Variants in CCDC12 observed in about 807,000 individuals in gnomAD.
CCDC12 encodes coiled-coil domain-containing protein 12.
In CCDC12, 28 loss-of-function variants were observed where a neutral mutation model predicts 25.7. The ratio of observed to expected loss-of-function variants is 1.09; its 90% CI spans 0.81 to 1.50. CCDC12 has a LOEUF of 1.50. Ranked by LOEUF, CCDC12 falls within the 40% of genes most tolerant of loss-of-function variation. CCDC12 has a pLI of 0.00. For synonymous variants in CCDC12, 75 were observed against 87.7 expected, an observed-to-expected ratio of 0.86 and a Z score of 0.81; for missense variants, 198 against 210.0, an observed-to-expected ratio of 0.94 and a Z score of 0.35.
chr3:46,966,648 C>A (rs762750785), intron 1 of CCDC12, among the ~76,000 whole-genome samples: 1 of 152,176 alleles, frequency 6.6e-6, no homozygotes, highest in African/African-American at 2.4e-5. Flanking sequence ...GACAGCAAGG[C>A]TATAAGGGCA....
intron 1 of CCDC12, among the ~76,000 whole-genome samples, chr3:46,964,810 A>G (rs1004010823): frequency 3.9e-5 from 6 of 152,128 alleles, no homozygotes; most frequent in African/African-American, 1.4e-4. Flanking sequence ...GGACACAAAC[A>G]CTGCTGAAGG....
chr3:46,921,885 C>A lies in CCDC12; in HGVS notation c.*172G>T. 2 of 661,232 alleles carry A rather than the reference C, an allele frequency of 3.0e-6. No individual in the cohort carries two copies. The highest frequency in any genetic ancestry group is 5.2e-6 in the Non-Finnish European group (2 of 388,114). 41.0% of individuals were successfully genotyped at this position (661,232 alleles called of 1,614,324 possible). On this transcript the variant is annotated 3_prime_UTR_variant, in exon 7 of 7. Coordinates refer to ENST00000683445, the MANE Select transcript of CCDC12 (RefSeq NM_001277074.2). The stretch of plus-strand genomic sequence containing the variant: ...CTGCCTCCATTCAGAATGGCAGGGG[C>A]CACCCAGCAGACAAGGAGCTGACCT...
chr3:46,937,608 G>T (rs1296791452), intron 2 of CCDC12, among the ~76,000 whole-genome samples: 1 of 152,224 alleles, frequency 6.6e-6, no homozygotes, highest in African/African-American at 2.4e-5. Flanking sequence ...CAGGGGCTAT[G>T]GCCTAGGGGG....
At chr3:46,959,516 A>T (rs1305067139) in intron 1 of CCDC12, among the ~76,000 whole-genome samples, 1 of 152,170 alleles carries the variant, frequency 6.6e-6, no homozygotes, top group Non-Finnish European at 1.5e-5. Flanking sequence ...TCCCGTGACA[A>T]AGGGGTCACA....
At chr3:46,970,584 C>T (rs2034775015) in intron 1 of CCDC12, among the ~76,000 whole-genome samples, 1 of 152,218 alleles carries the variant, frequency 6.6e-6, no homozygotes, top group Non-Finnish European at 1.5e-5. Context: ...TGCTGGTTGC[C>T]TGGAACCTGC....
intron 2 of CCDC12, among the ~76,000 whole-genome samples, chr3:46,934,798 G>A (rs924106324): frequency 2.0e-5 from 3 of 152,228 alleles, no homozygotes; most frequent in Admixed American, 6.5e-5. Flanking sequence ...GATCTCCACT[G>A]CCCATGACTG....
chr3:46,969,557 A>G (rs1039832929), intron 1 of CCDC12, among the ~76,000 whole-genome samples: 7 of 152,200 alleles, frequency 4.6e-5, no homozygotes, highest in Non-Finnish European at 8.8e-5. Context: ...TTGAGTGTGT[A>G]AATCACAACT....
chr3:46,947,102 G>A (rs1490474689), intron 1 of CCDC12, among the ~76,000 whole-genome samples: 4 of 152,106 alleles, frequency 2.6e-5, no homozygotes, highest in Admixed American at 6.5e-5. Context: ...CTCTGAGTAC[G>A]CCTGCTATAA....
chr3:46,928,418 A>T (rs568614727), intron 2 of CCDC12, among the ~76,000 whole-genome samples: 1 of 152,338 alleles, frequency 6.6e-6, no homozygotes, highest in East Asian at 1.9e-4. Context: ...AAAAGCTGAG[A>T]GACTGAGCAG....
intron 1 of CCDC12, among the ~76,000 whole-genome samples, chr3:46,960,897 T>G (rs1275766850): frequency 6.6e-6 from 1 of 151,856 alleles, no homozygotes; most frequent in Admixed American, 6.6e-5. Context: ...ATGTGTGTTT[T>G]GAGGTGTGTA....
intron 1 of CCDC12, among the ~76,000 whole-genome samples, chr3:46,942,133 T>C (rs2033733893): frequency 6.6e-6 from 1 of 152,258 alleles, no homozygotes; most frequent in Admixed American, 6.5e-5. Context: ...TGCTTCCACC[T>C]GAAGCAGAAA....
chr3:46,940,690 T>C (rs2107137547), intron 2 of CCDC12: 1 of 358,732 alleles, frequency 2.8e-6, no homozygotes, highest in East Asian at 5.1e-5. Flanking sequence ...ACTTACTCAG[T>C]AGGCAATGGA....
At chr3:46,925,381 G>A in intron 3 of CCDC12, 75 bp downstream of exon 3, 1 of 1,294,992 alleles carries the variant, frequency 7.7e-7, no homozygotes, top group Non-Finnish European at 1.1e-6. Context: ...GTTATTCTCA[G>A]AGAGCAAAGC....
chr3:46,959,008 C>G (rs1196067682), intron 1 of CCDC12, among the ~76,000 whole-genome samples: 1 of 152,218 alleles, frequency 6.6e-6, no homozygotes, highest in East Asian at 1.9e-4. Flanking sequence ...GCTATTTTAA[C>G]CTCTGGTCAG....
At chr3:46,929,995 C>T (rs967806110) in intron 2 of CCDC12, among the ~76,000 whole-genome samples, 2 of 133,222 alleles carry the variant, frequency 1.5e-5, no homozygotes, top group South Asian at 2.5e-4. Context: ...GGTGCCACTG[C>T]ACTCCAGCCT....
chr3:46,937,672 A>G (rs1386451415), intron 2 of CCDC12, among the ~76,000 whole-genome samples: 3 of 152,192 alleles, frequency 2.0e-5, no homozygotes, highest in Non-Finnish European at 4.4e-5. Flanking sequence ...GCCCCTTTCC[A>G]GACTTGGGGT....
chr3:46,971,110 A>C (rs1175529578), intron 1 of CCDC12, among the ~76,000 whole-genome samples: 1 of 151,874 alleles, frequency 6.6e-6, no homozygotes, highest in African/African-American at 2.4e-5. Context: ...GAATGTTCCC[A>C]CCTCTAAAAT....
chr3:46,946,717 C>T (rs1269162742), intron 1 of CCDC12, among the ~76,000 whole-genome samples: 1 of 152,202 alleles, frequency 6.6e-6, no homozygotes, highest in Non-Finnish European at 1.5e-5. Flanking sequence ...ATCCTCCACT[C>T]CCAGCCTGGA....
intron 1 of CCDC12, among the ~76,000 whole-genome samples, chr3:46,941,345 G>A (rs1010879901): frequency 3.8e-4 from 58 of 152,286 alleles, no homozygotes; most frequent in African/African-American, 1.3e-3. Flanking sequence ...GGCGGATCTC[G>A]AGGTCAGGAG....
Sources: gnomAD v4.1 joint callset for allele counts (sites outside exome capture counted in the v4.1 genomes callset) on GRCh38, gnomAD v4.1.1 for gene constraint, MANE v1.5 for transcripts, NCBI Gene and HGNC (gene_info 2026-07-23, HGNC 2026-07-21) for gene names.